The following DTD1 variants were observed in gnomAD, a reference collection of about 807,000 sequenced individuals.
DTD1 encodes D-aminoacyl-tRNA deacylase 1.
DTD1 carries 13 observed loss-of-function variants against 25.6 expected under a neutral mutation model. The ratio of observed to expected loss-of-function variants is 0.51; its 90% CI spans 0.33 to 0.81. DTD1 has a LOEUF of 0.81. Among genes scored for constraint, DTD1 ranks in the 30% least tolerant of loss-of-function variants. The pLI is 0.02. For synonymous variants in DTD1, 110 were observed against 103.6 expected (o/e 1.06, Z -0.37); for missense variants, 193 against 266.4 (o/e 0.72, Z 1.92).
intron 3 of DTD1, among the ~76,000 whole-genome samples, chr20:18,607,214 A>G (rs1286968060): frequency 6.6e-6 from 1 of 152,124 alleles, no homozygotes; most frequent in Non-Finnish European, 1.5e-5. Context: ...TCCAGGCTGG[A>G]GTGCAGTGGT....
chr20:18,610,182 G>A (rs2060680757), intron 3 of DTD1, among the ~76,000 whole-genome samples: 1 of 152,190 alleles, frequency 6.6e-6, no homozygotes, highest in Admixed American at 6.5e-5. Flanking sequence ...TTGAATGAAA[G>A]GAAAACTGCT....
At chr20:18,694,259 C>T (rs1161657262) in intron 4 of DTD1, among the ~76,000 whole-genome samples, 1 of 152,178 alleles carries the variant, frequency 6.6e-6, no homozygotes, top group Non-Finnish European at 1.5e-5. Context: ...GCAGTGCTCA[C>T]GGCTCCCTGG....
At chr20:18,739,714 C>A (rs1362907989) in intron 4 of DTD1, among the ~76,000 whole-genome samples, 1 of 151,624 alleles carries the variant, frequency 6.6e-6, no homozygotes, top group African/African-American at 2.4e-5. Context: ...GTACCAGTTT[C>A]TTTTCTTCTT....
At chr20:18,722,631 A>C (rs1437725852) in intron 4 of DTD1, among the ~76,000 whole-genome samples, 1 of 152,180 alleles carries the variant, frequency 6.6e-6, no homozygotes, top group Non-Finnish European at 1.5e-5. Context: ...AGTGTGAACT[A>C]TCCAGCTGTA....
chr20:18,611,375 C>G (rs548071076), intron 3 of DTD1, among the ~76,000 whole-genome samples: 1 of 152,188 alleles, frequency 6.6e-6, no homozygotes. Context: ...TGAAAAGGCT[C>G]TGTGAGCCCA....
intron 2 of DTD1, 77 bp from the exon 3 acceptor site, chr20:18,595,929 T>C: frequency 1.6e-6 from 2 of 1,270,540 alleles, no homozygotes; most frequent in Non-Finnish European, 2.3e-6. Context: ...CGGAAGCTGG[T>C]GACATTTTTG....
chr20:18,755,425 C>T (rs992833214), intron 5 of DTD1, among the ~76,000 whole-genome samples: 2 of 152,132 alleles, frequency 1.3e-5, no homozygotes, highest in African/African-American at 4.8e-5. Flanking sequence ...CCCTCTCCCC[C>T]GACCCCACAA....
Position 18,616,477 on chromosome 20 carries a change from A to G in DTD1, c.371-11650A>G, listed in dbSNP as rs149066236. Among the ~76,000 whole-genome samples, 8 of 152,150 alleles carry G rather than the reference A, an allele frequency of 5.3e-5. No individual in the cohort carries two copies. In the East Asian group the frequency reaches 1.5e-3, roughly 29 times the overall value. On this transcript the variant is annotated intron_variant, in intron 3 of 5. Transcript: ENST00000377452. ...GCCAGTTCTCCCTTCCCCTACCTAA[A>G]ATAACCATGGCCACCCTAAAAGCAA...
At chr20:18,696,867 T>C (rs753515311) in intron 4 of DTD1, among the ~76,000 whole-genome samples, 6 of 152,026 alleles carry the variant, frequency 3.9e-5, no homozygotes, top group Non-Finnish European at 8.8e-5. Flanking sequence ...ACTGTAGTTT[T>C]TACTGCTTCC....
intron 4 of DTD1, among the ~76,000 whole-genome samples, chr20:18,648,995 C>CAAAAAAAAAAAAA (rs57780175): frequency 5.3e-5 from 3 of 56,268 alleles, no homozygotes; most frequent in Non-Finnish European, 8.7e-5. Context: ...GACTCCATCT[C>CAAAAAAAAAAAAA]AAAAAAAAAA....
intron 4 of DTD1, among the ~76,000 whole-genome samples, chr20:18,699,538 C>A (rs910172057): frequency 1.2e-4 from 19 of 152,150 alleles, no homozygotes; most frequent in African/African-American, 4.3e-4. Context: ...CGCGTTGAGG[C>A]AAGTCATCTG....
At chr20:18,654,813 T>G (rs1034044307) in intron 4 of DTD1, among the ~76,000 whole-genome samples, 2 of 152,030 alleles carry the variant, frequency 1.3e-5, no homozygotes, top group Non-Finnish European at 2.9e-5. Context: ...AAAAAAAATC[T>G]GTTGAATAAA....
intron 4 of DTD1, among the ~76,000 whole-genome samples, chr20:18,661,578 A>G (rs551028350): frequency 1.2e-4 from 18 of 152,152 alleles, no homozygotes; most frequent in East Asian, 3.9e-4. Context: ...TCACCGTGTT[A>G]GCCAGGATGG....
rs191646850 is a variant in DTD1, at chr20:18,748,593, T to A, written c.*19+4322T>A. Among the ~76,000 whole-genome samples, 8 of 152,212 alleles carry A rather than the reference T, an allele frequency of 5.3e-5. No individual in the cohort carries two copies. In the East Asian group the frequency reaches 1.5e-3, roughly 29 times the overall value. ...GTCTCATGGGCAGACAAGGGGACAG[T>A]TACTGCATGTGTCACAGAACATACA... is the stretch of plus-strand genomic sequence containing the variant. On this transcript the variant is annotated intron_variant, in intron 5 of 5. Coordinates refer to ENST00000377452, the MANE Select transcript of DTD1 (RefSeq NM_080820.6).
In DTD1 at chr20:18,614,973, G is replaced by A. The variant is rs112446599; in HGVS notation, c.371-13154G>A. 3.9e-5 allele frequency among the ~76,000 whole-genome samples: 6 copies of A among 151,970 alleles called. No individual in the cohort carries two copies. The East Asian group carries it at 7.7e-4, about 20-fold the overall frequency. On this transcript the variant is annotated intron_variant, in intron 3 of 5. Coordinates refer to ENST00000377452, the MANE Select transcript of DTD1 (RefSeq NM_080820.6). ...AACTTCTCATCCTTGGCCTCCCCAC[G>A]TTGCTGGGCTCCTCCCAACCTGGTG...
chr20:18,660,370 C>T (rs2060905295), intron 4 of DTD1, among the ~76,000 whole-genome samples: 1 of 152,082 alleles, frequency 6.6e-6, no homozygotes, highest in Non-Finnish European at 1.5e-5. Context: ...TAGGTGCACA[C>T]AAGTACGCTT....
intron 3 of DTD1, among the ~76,000 whole-genome samples, chr20:18,609,026 A>C (rs1190371998): frequency 6.6e-6 from 1 of 152,236 alleles, no homozygotes; most frequent in African/African-American, 2.4e-5. Context: ...TAAATTAGAA[A>C]ACATAGCCTC....
chr20:18,668,112 C>T (rs1307811117), intron 4 of DTD1, among the ~76,000 whole-genome samples: 1 of 152,132 alleles, frequency 6.6e-6, no homozygotes, highest in Admixed American at 6.5e-5. Flanking sequence ...GTATTTGGTT[C>T]TTGCAGTACT....
intron 4 of DTD1, among the ~76,000 whole-genome samples, chr20:18,710,288 C>G (rs1239894134): frequency 1.3e-5 from 2 of 151,956 alleles, no homozygotes; most frequent in Non-Finnish European, 2.9e-5. Context: ...TGAAATAAAT[C>G]TATACCAAGA....
Sources: gnomAD v4.1 joint callset for allele counts (sites outside exome capture counted in the v4.1 genomes callset) on GRCh38, gnomAD v4.1.1 for gene constraint, MANE v1.5 for transcripts, NCBI Gene and HGNC (gene_info 2026-07-23, HGNC 2026-07-21) for gene names.